The following ZNF385D variants were observed in gnomAD, a reference collection of about 807,000 sequenced individuals.
ZNF385D encodes the protein zinc finger protein 385D, also known as zinc finger protein 659.
A neutral mutation model predicts 35.8 loss-of-function variants in ZNF385D; 15 were observed. The observed-to-expected ratio is 0.42, with a 90% CI of 0.28 to 0.64. ZNF385D has a LOEUF of 0.64. Ranked by LOEUF, ZNF385D falls within the 30% of genes least tolerant of loss-of-function variation. The pLI is 0.23. For missense variants in ZNF385D, 474 were observed against 494.6 expected (o/e 0.96, Z 0.39); for synonymous variants, 212 against 186.8 (o/e 1.13, Z -1.10).
At chr3:21,745,730 T>G (rs1422691273) in intron 1 of ZNF385D, among the ~76,000 whole-genome samples, 7 of 152,312 alleles carry the variant, frequency 4.6e-5, no homozygotes, top group African/African-American at 1.7e-4. Flanking sequence ...GACATGTTTT[T>G]CCTAGTGCAA....
At chr3:22,362,909 G>T (rs1696480948) in intron 2 of ZNF385D, among the ~76,000 whole-genome samples, 1 of 151,864 alleles carries the variant, frequency 6.6e-6, no homozygotes, top group Non-Finnish European at 1.5e-5. Flanking sequence ...TTTGTTCAAG[G>T]CACTGACAGG....
At chr3:22,241,921 G>A (rs1008075061) in intron 2 of ZNF385D, among the ~76,000 whole-genome samples, 3 of 150,672 alleles carry the variant, frequency 2.0e-5, no homozygotes, top group African/African-American at 7.4e-5. Flanking sequence ...TTGTAAAGGA[G>A]CTTCTTTAAA....
At chr3:22,279,023 A>G (rs2125375609) in intron 2 of ZNF385D, among the ~76,000 whole-genome samples, 1 of 152,206 alleles carries the variant, frequency 6.6e-6, no homozygotes, top group Middle Eastern at 3.4e-3. Flanking sequence ...TATGGCGTCC[A>G]CTTCCTACAC....
chr3:21,679,985 G>T (rs932896092), intron 1 of ZNF385D, among the ~76,000 whole-genome samples: 1 of 152,104 alleles, frequency 6.6e-6, no homozygotes, highest in Non-Finnish European at 1.5e-5. Context: ...CTCGCTCAGT[G>T]CCTAATACGT....
chr3:21,539,446 C>A lies in ZNF385D; in HGVS notation c.276+25128G>T, dbSNP rs1346625947. 2.0e-5 allele frequency among the ~76,000 whole-genome samples: 3 copies of A among 152,122 alleles called. No individual in the cohort carries two copies. The highest frequency in any genetic ancestry group is 4.8e-5 in the African/African-American group (2 of 41,438). ...TATATCACTGTCATAGGCAGTTCAA[C>A]CATAAAAGAAATTTTAATTTTTGTA... On this transcript the variant is annotated intron_variant, in intron 3 of 7. Coordinates refer to ENST00000281523, the MANE Select transcript of ZNF385D (RefSeq NM_024697.3). The surrounding 1 kb of genome is among the most constrained non-coding windows in gnomAD (Gnocchi z 4.0).
At chr3:22,270,876 C>G (rs545800683) in intron 2 of ZNF385D, among the ~76,000 whole-genome samples, 1 of 152,126 alleles carries the variant, frequency 6.6e-6, no homozygotes, top group South Asian at 2.1e-4. Flanking sequence ...CTTTGCAATT[C>G]TGAAATAAAA....
At chr3:22,182,532 G>C in intron 2 of ZNF385D, among the ~76,000 whole-genome samples, 1 of 151,762 alleles carries the variant, frequency 6.6e-6, no homozygotes, top group South Asian at 2.1e-4. Context: ...AAATTACTCA[G>C]ATTTACCATA....
At position 22,279,297 on chromosome 3, in the gene ZNF385D, T is replaced by C. The variant is rs1701595837; in HGVS notation, c.106+93153A>G. 2.0e-5 allele frequency among the ~76,000 whole-genome samples: 3 copies of C among 152,006 alleles called. No individual in the cohort carries two copies. The South Asian group carries it at 6.2e-4, about 32-fold the overall frequency. On this transcript the variant is annotated intron_variant, in intron 2 of 5. Coordinates refer to the ZNF385D transcript ENST00000494108. ...CCCAGAGTCCTCAAAGTGAATTGCA[T>C]CATTCTTATGCCTTTCCGTCTTCAT...
intron 2 of ZNF385D, among the ~76,000 whole-genome samples, chr3:21,572,004 C>G (rs940903232): frequency 3.3e-5 from 5 of 152,138 alleles, no homozygotes; most frequent in Non-Finnish European, 7.4e-5. Context: ...GACTGAATCG[C>G]AGGGCACATG....
intron 3 of ZNF385D, among the ~76,000 whole-genome samples, chr3:21,844,176 C>G (rs185823821): frequency 6.6e-6 from 1 of 151,834 alleles, no homozygotes; most frequent in East Asian, 1.9e-4. Context: ...CAGTACAGGA[C>G]AAGTAAGATT....
chr3:21,766,919 A>G (rs935435214), intron 3 of ZNF385D, among the ~76,000 whole-genome samples: 5 of 152,140 alleles, frequency 3.3e-5, no homozygotes, highest in African/African-American at 9.7e-5. Flanking sequence ...GGTTCAATTA[A>G]TATAAAATCT....
At chr3:21,596,015 A>T (rs1273621514) in intron 2 of ZNF385D, among the ~76,000 whole-genome samples, 4 of 152,222 alleles carry the variant, frequency 2.6e-5, no homozygotes, top group Non-Finnish European at 5.9e-5. Context: ...CAATTTCACA[A>T]TGCAAAGGCA....
intron 3 of ZNF385D, among the ~76,000 whole-genome samples, chr3:21,894,630 A>G (rs1423003086): frequency 6.6e-6 from 1 of 152,194 alleles, no homozygotes; most frequent in Non-Finnish European, 1.5e-5. Context: ...TGTGAGTTGT[A>G]ATTATCCTCT....
rs183443026 is a variant in ZNF385D, at chr3:21,469,027, G to A, written c.440-31824C>T. Among the ~76,000 whole-genome samples the A allele has an allele frequency of 9.7e-4, 148 of 152,296 alleles. 1 individual carries two copies. Among genetic ancestry groups the A allele is most frequent in the African/African-American group, 3.5e-3 (147 of 41,558 alleles). On this transcript the variant is annotated intron_variant, in intron 4 of 7. Coordinates refer to ENST00000281523, the MANE Select transcript of ZNF385D (RefSeq NM_024697.3). ...AGCAGATTAGTGATTGCCTCTGTGT[G>A]GGGATGGATTGACTGGACTGTGCAT...
intron 3 of ZNF385D, among the ~76,000 whole-genome samples, chr3:22,116,130 CTT>C (rs1702799176): frequency 3.9e-5 from 6 of 151,944 alleles, no homozygotes; most frequent in Admixed American, 3.9e-4. Flanking sequence ...GGATAATAAT[CTT>C]TATAAATCAG....
intron 2 of ZNF385D, among the ~76,000 whole-genome samples, chr3:21,611,206 G>C (rs766523137): frequency 3.3e-5 from 5 of 152,138 alleles, no homozygotes; most frequent in Non-Finnish European, 5.9e-5. Flanking sequence ...AACAAGAAAG[G>C]CTACACAAAT....
chr3:22,240,639 G>T (rs1258179927), intron 2 of ZNF385D, among the ~76,000 whole-genome samples: 3 of 151,022 alleles, frequency 2.0e-5, no homozygotes, highest in Non-Finnish European at 2.9e-5. Context: ...CTTTGAGGTT[G>T]CAGCAATTGA....
intron 3 of ZNF385D, among the ~76,000 whole-genome samples, chr3:22,144,264 G>C (rs1192979985): frequency 6.6e-6 from 1 of 152,086 alleles, no homozygotes; most frequent in Non-Finnish European, 1.5e-5. Flanking sequence ...TTTTAAACTT[G>C]AAGAGATTTT....
intron 3 of ZNF385D, among the ~76,000 whole-genome samples, chr3:21,999,730 C>T (rs929077061): frequency 1.3e-5 from 2 of 148,318 alleles, no homozygotes; most frequent in African/African-American, 5.0e-5. Flanking sequence ...AGAAGAATTT[C>T]TAAACTTGAA....
Sources: gnomAD v4.1 joint callset for allele counts (sites outside exome capture counted in the v4.1 genomes callset) on GRCh38, gnomAD v4.1.1 for gene constraint, Gnocchi (gnomAD v3.1) non-coding constraint, MANE v1.5 for transcripts, NCBI Gene and HGNC (gene_info 2026-07-23, HGNC 2026-07-21) for gene names.